Variants in SAMMSON observed in about 807,000 individuals in gnomAD.
SAMMSON encodes the protein survival associated mitochondrial melanoma specific oncogenic non-coding RNA, also known as long intergenic non-protein coding RNA 1212.
chr3:70,226,699 C>T (rs2106740974), intron 4 of SAMMSON, among the ~76,000 whole-genome samples: 1 of 148,452 alleles, frequency 6.7e-6, no homozygotes, highest in South Asian at 2.1e-4. Context: ...TATCGTGCCA[C>T]TCCACTCCAG....
chr3:70,093,990 G>A (rs2067314321), intron 4 of SAMMSON, among the ~76,000 whole-genome samples: 1 of 152,120 alleles, frequency 6.6e-6, no homozygotes, highest in Admixed American at 6.5e-5. Flanking sequence ...GTGATATATG[G>A]GGAACCAAAA....
At chr3:70,414,493 G>A (rs1189474304) in intron 2 of SAMMSON, among the ~76,000 whole-genome samples, 1 of 152,130 alleles carries the variant, frequency 6.6e-6, no homozygotes, top group Non-Finnish European at 1.5e-5. Context: ...TAGTAAGACT[G>A]TCACTTACTG....
Position 70,317,939 on chromosome 3 carries a change from GT to G in SAMMSON, n.739+26704del, listed in dbSNP as rs1248079843. 8.6e-5 allele frequency among the ~76,000 whole-genome samples: 13 copies of G among 151,144 alleles called. No homozygotes were observed. The East Asian group carries it at 2.5e-3, about 29-fold the overall frequency. On this transcript the variant is annotated intron_variant and non_coding_transcript_variant, in intron 7 of 9. Transcript: ENST00000642114. ...TGAATATAGAATTCTTTATTGACAGGTTTTTTTTGTTCTCTCTCTTTCTCTT... is the reference window on the plus strand; with the variant it reads ...TGAATATAGAATTCTTTATTGACAGGTTTTTTTGTTCTCTCTCTTTCTCTT...
intron 4 of SAMMSON, chr3:70,084,885 A>G (rs2067280007): frequency 6.6e-6 from 1 of 152,200 alleles, no homozygotes; most frequent in South Asian, 2.1e-4. Context: ...TAGTATGGTA[A>G]AACAACTAAT....
chr3:70,332,794 C>A (rs1425337626), intron 7 of SAMMSON: 1 of 152,224 alleles, frequency 6.6e-6, no homozygotes, highest in Admixed American at 6.5e-5. Context: ...CGGGGTTTCA[C>A]CGTTTTAGCC....
chr3:70,057,875 G>A (rs1357347392), intron 3 of SAMMSON, among the ~76,000 whole-genome samples: 2 of 151,950 alleles, frequency 1.3e-5, no homozygotes, highest in African/African-American at 4.8e-5. Context: ...CTTTATTAAT[G>A]GGAAATTTGA....
At chr3:70,318,990 G>A (rs1702516541) in intron 7 of SAMMSON, among the ~76,000 whole-genome samples, 1 of 152,024 alleles carries the variant, frequency 6.6e-6, no homozygotes, top group African/African-American at 2.4e-5. Context: ...GAGCCAGAGT[G>A]TCTGCTAGTA....
Position 70,214,082 on chromosome 3 carries a change from T to G in SAMMSON, n.508-35025T>G, listed in dbSNP as rs534709749. Among the ~76,000 whole-genome samples, 6 of 152,254 alleles carry G rather than the reference T, an allele frequency of 3.9e-5. No homozygotes were observed. The East Asian group carries it at 1.2e-3, about 29-fold the overall frequency. On this transcript the variant is annotated intron_variant and non_coding_transcript_variant, in intron 4 of 9. Coordinates refer to ENST00000642114, the Ensembl canonical transcript of SAMMSON. ...TGAAGGCTTCTAAAATTTCCTCACC[T>G]TTTTGAAATGAATGGAAATAAGTAA... is the stretch of plus-strand genomic sequence containing the variant.
At chr3:70,110,912 A>G (rs1283392095) in intron 4 of SAMMSON, among the ~76,000 whole-genome samples, 1 of 152,172 alleles carries the variant, frequency 6.6e-6, no homozygotes, top group African/African-American at 2.4e-5. Context: ...GAAATTAGTA[A>G]CCAGGGAGAA....
intron 4 of SAMMSON, among the ~76,000 whole-genome samples, chr3:70,224,321 T>G (rs1701484800): frequency 6.6e-6 from 1 of 152,216 alleles, no homozygotes; most frequent in African/African-American, 2.4e-5. Context: ...CCAATACATT[T>G]GGAGAGATGA....
intron 6 of SAMMSON, among the ~76,000 whole-genome samples, chr3:70,264,913 G>A (rs888799077): frequency 2.0e-5 from 3 of 152,196 alleles, no homozygotes; most frequent in African/African-American, 7.2e-5. Flanking sequence ...TTGACTCATA[G>A]TTCCACATGG....
At chr3:70,169,619 G>T (rs183435792) in intron 4 of SAMMSON, among the ~76,000 whole-genome samples, 1 of 148,968 alleles carries the variant, frequency 6.7e-6, no homozygotes, top group Admixed American at 6.8e-5. Context: ...ATTTCAGGGA[G>T]AGTTTAGAGA....
intron 4 of SAMMSON, among the ~76,000 whole-genome samples, chr3:70,075,830 G>A (rs1463484837): frequency 6.6e-6 from 1 of 150,734 alleles, no homozygotes; most frequent in Admixed American, 6.6e-5. Flanking sequence ...TATAAGCCTA[G>A]AGTTTTGGGC....
chr3:70,184,152 C>G (rs772074937), intron 4 of SAMMSON: 1 of 152,134 alleles, frequency 6.6e-6, no homozygotes, highest in Non-Finnish European at 1.5e-5. Context: ...ATGTATCATC[C>G]GTGATGCTTC....
chr3:70,097,723 A>G (rs1416690749), intron 4 of SAMMSON, among the ~76,000 whole-genome samples: 1 of 152,196 alleles, frequency 6.6e-6, no homozygotes, highest in Non-Finnish European at 1.5e-5. Flanking sequence ...TCACATATTC[A>G]TTGTGAACCA....
intron 7 of SAMMSON, among the ~76,000 whole-genome samples, chr3:70,292,625 A>G (rs1045511165): frequency 1.3e-5 from 2 of 152,152 alleles, no homozygotes; most frequent in African/African-American, 2.4e-5. Flanking sequence ...GTTTTTCTCT[A>G]TGAAAAATAA....
chr3:70,428,730 A>T (rs1701391076), intron 2 of SAMMSON, among the ~76,000 whole-genome samples: 1 of 152,146 alleles, frequency 6.6e-6, no homozygotes, highest in East Asian at 1.9e-4. Flanking sequence ...GTATCTCTAA[A>T]CAGTGATCTA....
intron 3 of SAMMSON, among the ~76,000 whole-genome samples, chr3:70,050,355 G>T (rs2067141563): frequency 2.0e-5 from 3 of 152,090 alleles, no homozygotes; most frequent in Admixed American, 2.0e-4. Flanking sequence ...CAGGACCTTG[G>T]CATTGGGTTG....
intron 4 of SAMMSON, among the ~76,000 whole-genome samples, chr3:70,225,551 A>G (rs967348303): frequency 3.3e-5 from 5 of 152,212 alleles, no homozygotes; most frequent in African/African-American, 1.2e-4. Context: ...GAGTCAGTGT[A>G]TACTGTTTAT....
Sources: gnomAD v4.1 joint callset for allele counts (sites outside exome capture counted in the v4.1 genomes callset) on GRCh38, gnomAD v4.1.1 for gene constraint, MANE v1.5 for transcripts, NCBI Gene and HGNC (gene_info 2026-07-23, HGNC 2026-07-21) for gene names.